Variants in MMP13 observed in about 807,000 individuals in gnomAD.
The protein encoded by MMP13 is matrix metallopeptidase 13.
In MMP13, 45 loss-of-function variants were observed where a neutral mutation model predicts 52.1. That is an observed-to-expected ratio of 0.86 (90% CI 0.68 to 1.11). The LOEUF is 1.11. MMP13 is among the 50% of genes least tolerant of loss of function. The pLI, the probability that MMP13 is intolerant of heterozygous loss-of-function variation, is 0.00. For missense variants in MMP13, 576 were observed against 583.8 expected (o/e 0.99, Z 0.14); for synonymous variants, 200 against 204.4 (o/e 0.98, Z 0.18).
At position 102,949,078 on chromosome 11, in the gene MMP13, C is replaced by G. The variant is rs782035543; in HGVS notation, c.998G>C (p.Arg333Pro). 3.1e-6 allele frequency: 5 copies of G among 1,613,832 alleles called. No homozygotes were observed. The South Asian group carries it at 5.5e-5, about 18-fold the overall frequency. Residue 333 changes from arginine to proline, a missense_variant, in exon 7 of 10, where the codon CGT (arginine) becomes CCT (proline). By Grantham distance (103) the Arg-to-Pro change is moderately radical. Transcript: ENST00000260302. This position sits in a 1 kb window ranked among gnomAD's most constrained non-coding sequence, Gnocchi z 4.2. ...TKSFWPELPN[R>P]IDAAYEHPSH... The stretch of plus-strand genomic sequence containing the variant: ...AGGGTGCTCATATGCAGCATCAATA[C>G]GGTTGGGAAGTTCTGGCCAAAATGA...
chr11:102,951,448 C>A (rs1454016685), intron 5 of MMP13, among the ~76,000 whole-genome samples: 1 of 152,050 alleles, frequency 6.6e-6, no homozygotes, highest in African/African-American at 2.4e-5. Flanking sequence ...GTATAAAGTA[C>A]AAATACGAGG....
At chr11:102,948,128 C>G in intron 7 of MMP13, 78 bp from the exon 8 acceptor site, 2 of 1,163,226 alleles carry the variant, frequency 1.7e-6, no homozygotes, top group Non-Finnish European at 2.5e-6. Flanking sequence ...TGCTTAAAGA[C>G]AGGCCCACTT....
At position 102,955,052 on chromosome 11, in the gene MMP13, G is replaced by T. The variant is rs913634939; in HGVS notation, c.362+200C>A. 6.6e-6 allele frequency among the ~76,000 whole-genome samples: 1 copy of T among 151,980 alleles called. No homozygotes were observed. Among genetic ancestry groups the T allele is most frequent in the African/African-American group, 2.4e-5 (1 of 41,372 alleles). Reference sequence around the variant, plus strand: ...TTCTCTTTTGATTTCATCTCTAAAAGAAATACTTTGAGATGCCCACTAAAA... The same window carrying T: ...TTCTCTTTTGATTTCATCTCTAAAATAAATACTTTGAGATGCCCACTAAAA... On this transcript the variant is annotated intron_variant, in intron 2 of 9. Transcript: ENST00000260302. The surrounding 1 kb of genome is among the most constrained non-coding windows in gnomAD (Gnocchi z 4.9).
At chr11:102,951,595 C>G (rs1261487076) in intron 5 of MMP13, among the ~76,000 whole-genome samples, 1 of 152,062 alleles carries the variant, frequency 6.6e-6, no homozygotes, top group Non-Finnish European at 1.5e-5. Flanking sequence ...GTGGTGAATT[C>G]AATTAGTAGA....
intron 4 of MMP13, among the ~76,000 whole-genome samples, chr11:102,953,761 A>T (rs1860649522): frequency 6.6e-6 from 1 of 152,198 alleles, no homozygotes; most frequent in African/African-American, 2.4e-5. Flanking sequence ...AACTATTTCA[A>T]TTCACATCTA....
At chr11:102,947,303 G>T (rs1555016763) in intron 8 of MMP13, among the ~76,000 whole-genome samples, 1 of 152,202 alleles carries the variant, frequency 6.6e-6, no homozygotes, top group Non-Finnish European at 1.5e-5. Flanking sequence ...CCAATTGGGT[G>T]TGGTGGCTCA....
chr11:102,950,308 C>T, intron 5 of MMP13, 81 bp from the exon 6 acceptor site: 1 of 1,109,756 alleles, frequency 9.0e-7, no homozygotes, highest in Non-Finnish European at 1.4e-6. Context: ...GGCTGATCTG[C>T]TGATGGACAG....
intron 8 of MMP13, 84 bp downstream of exon 8, chr11:102,947,807 G>A: frequency 7.0e-7 from 1 of 1,418,816 alleles, no homozygotes; most frequent in East Asian, 2.3e-5. Context: ...ACAATAGTGT[G>A]TAGGAATAAT....
Position 102,954,138 on chromosome 11 carries a change from C to A in MMP13, c.637+18G>T. 6.2e-6 allele frequency: 10 copies of A among 1,612,750 alleles called. No individual in the cohort carries two copies. The highest frequency in any genetic ancestry group is 8.5e-6 in the Non-Finnish European group (10 of 1,179,160). ...TAATCTAATAACACATAAATGATATCTTTATAAGAAACATTACCTTTGGAA... is the reference window on the plus strand; with the variant it reads ...TAATCTAATAACACATAAATGATATATTTATAAGAAACATTACCTTTGGAA... On this transcript the variant is annotated intron_variant, in intron 4 of 9. Coordinates refer to ENST00000260302, the MANE Select transcript of MMP13 (RefSeq NM_002427.4).
In MMP13 at chr11:102,943,129, GATCAT is replaced by G. The variant is rs1233030907; in HGVS notation, c.*1132_*1136del. The G allele has an allele frequency of 6.6e-6, 1 of 151,910 alleles. No homozygotes were observed. Among genetic ancestry groups the G allele is most frequent in the Non-Finnish European group, 1.5e-5 (1 of 67,992 alleles). The allele number at this position is 151,910 out of a possible 1,614,324, so 9.4% of individuals were successfully genotyped here. A position where few individuals can be genotyped will look rare whatever the true frequency, so the allele number is the denominator to read the frequency against. Reference sequence around the variant, plus strand: ...CACAATAGTTCTTCCCTTGATGGCCGATCATATATTCAATAAGTGCCAAGCACCCT... The same window carrying G: ...CACAATAGTTCTTCCCTTGATGGCCGATATTCAATAAGTGCCAAGCACCCT... On this transcript the variant is annotated 3_prime_UTR_variant, in exon 10 of 10. Transcript: ENST00000260302.
chr11:102,954,334 A>T lies in MMP13; in HGVS notation c.512-53T>A, dbSNP rs1046499523. 3.2e-5 allele frequency: 51 copies of T among 1,612,694 alleles called. No homozygotes were observed. In the African/African-American group the frequency reaches 6.5e-4, roughly 21 times the overall value. ...CTTATCACATCCAGGAGTACTTAGCACAGGTGTTTGGTAAATTAGTGTTGA... is the reference window on the plus strand; with the variant it reads ...CTTATCACATCCAGGAGTACTTAGCTCAGGTGTTTGGTAAATTAGTGTTGA... On this transcript the variant is annotated intron_variant, in intron 3 of 9. Coordinates refer to ENST00000260302, the MANE Select transcript of MMP13 (RefSeq NM_002427.4).
chr11:102,947,886 C>G lies in MMP13; in HGVS notation c.1211+5G>C. 6.2e-7 allele frequency: 1 copy of G among 1,613,822 alleles called. No homozygotes were observed. The highest frequency in any genetic ancestry group is 8.5e-7 in the Non-Finnish European group (1 of 1,179,806). On this transcript the variant is annotated splice_donor_5th_base_variant and intron_variant, in intron 8 of 9. Transcript: ENST00000260302. ...CAGATGGGTCAGTACCTACTGCTGC[C>G]ATACCTCCAGACCTGGTTTCCTGAG...
At chr11:102,950,774 A>G (rs1395943782) in intron 5 of MMP13, among the ~76,000 whole-genome samples, 1 of 152,188 alleles carries the variant, frequency 6.6e-6, no homozygotes, top group Non-Finnish European at 1.5e-5. Context: ...GTCTCCCATG[A>G]GTGCAGACAG....
At position 102,944,559 on chromosome 11, in the gene MMP13, CTTT is replaced by C. The variant is rs1555016435; in HGVS notation, c.1316-196_1316-194del. On this transcript the variant is annotated intron_variant, in intron 9 of 9. Transcript: ENST00000260302. ...TTTTTATTTTTATTTTTTAGTTGTT[CTTT>C]TAAGGTGTGAATCCTCCTACACAGT... 3.3e-5 allele frequency among the ~76,000 whole-genome samples: 5 copies of C among 150,530 alleles called. No individual in the cohort carries two copies. In the South Asian group the frequency reaches 6.3e-4, roughly 19 times the overall value.
rs1178046382 is a variant in MMP13 at position 102,952,398 on chromosome 11, G to T, written c.638-225C>A. ...ATTTAGTGTTCTTTTGATTATAGCT[G>T]CCTACACAATTAGAATGTCAACAGA... On this transcript the variant is annotated intron_variant, in intron 4 of 9. Transcript: ENST00000260302. The surrounding 1 kb of genome is among the most constrained non-coding windows in gnomAD (Gnocchi z 4.3). Among the ~76,000 whole-genome samples, 1 of 152,026 alleles carries T rather than the reference G, an allele frequency of 6.6e-6. No individual in the cohort carries two copies. Among genetic ancestry groups the T allele is most frequent in the African/African-American group, 2.4e-5 (1 of 41,370 alleles).
rs781841372 is a variant in MMP13, at chr11:102,945,665, A to T, written c.1296T>A (p.Asp432Glu). ...EDFPGIGDKVDAVYEKNGYIY... is the reference protein window; with the variant it reads ...EDFPGIGDKVEAVYEKNGYIY... ...ACTTACCATTTTTCTCATAGACAGC[A>T]TCTACTTTATCACCAATTCCTGGGA... The change falls in exon 9 of 10, where the codon GAT (aspartate) becomes GAA (glutamate). Residue 432 changes from aspartate (D) to glutamate (E), a missense_variant. Physicochemically the swap from Asp to Glu is conservative, Grantham distance 45. Coordinates refer to ENST00000260302, the MANE Select transcript of MMP13 (RefSeq NM_002427.4). 3.1e-6 allele frequency: 5 copies of T among 1,597,104 alleles called. No individual in the cohort carries two copies. In the South Asian group the frequency reaches 5.5e-5, roughly 18 times the overall value.
rs371369398 is a variant in MMP13 at position 102,944,385 on chromosome 11, A to T, written c.1316-19T>A. 1 of 1,507,900 alleles carries T rather than the reference A, an allele frequency of 6.6e-7. No homozygotes were observed. The highest frequency in any genetic ancestry group is 1.4e-5 in the African/African-American group (1 of 72,854). 93.4% of individuals were successfully genotyped at this position (1,507,900 alleles called of 1,614,324 possible). On this transcript the variant is annotated intron_variant, in intron 9 of 9. Transcript: ENST00000260302. ...ATATAACCTATAAGAAAAAGCATAA[A>T]GACAATTTCAGAGTTTGAAAATAAT... is the stretch of plus-strand genomic sequence containing the variant.
At position 102,955,723 on chromosome 11, in the gene MMP13, G is replaced by A. The variant is rs1238507157; in HGVS notation, c.-18C>T. 3.1e-6 allele frequency: 5 copies of A among 1,613,638 alleles called. No individual in the cohort carries two copies. The Admixed American group carries it at 5.0e-5, about 16-fold the overall frequency. ...GGATGCATCTTGAATGGTGATGCCT[G>A]GGGACTGTTGTCTTTCCGCAGAGAT... On this transcript the variant is annotated 5_prime_UTR_variant, in exon 1 of 10. Coordinates refer to ENST00000260302, the MANE Select transcript of MMP13 (RefSeq NM_002427.4). The surrounding 1 kb of genome is among the most constrained non-coding windows in gnomAD (Gnocchi z 4.9).
chr11:102,949,572 G>A lies in MMP13; in HGVS notation c.918-414C>T, dbSNP rs1860574864. ...ACACCCCCCGCCCCACGAGTACAAT[G>A]TAATTAGAGTTATAACAGAGGGGAT... On this transcript the variant is annotated intron_variant, in intron 6 of 9. Transcript: ENST00000260302. The surrounding 1 kb of genome is among the most constrained non-coding windows in gnomAD (Gnocchi z 4.2). Among the ~76,000 whole-genome samples, 1 of 152,122 alleles carries A rather than the reference G, an allele frequency of 6.6e-6. No individual in the cohort carries two copies. The highest frequency in any genetic ancestry group is 2.1e-4 in the South Asian group (1 of 4,828).
Sources: allele counts gnomAD v4.1 joint callset (sites outside exome capture counted in the v4.1 genomes callset), GRCh38; gene constraint gnomAD v4.1.1; non-coding constraint Gnocchi (gnomAD v3.1); transcripts MANE v1.5; gene names NCBI Gene and HGNC (gene_info 2026-07-23, HGNC 2026-07-21).